The following ELAVL4 variants were observed in gnomAD, a reference collection of about 807,000 sequenced individuals.
ELAVL4 encodes ELAV like RNA binding protein 4, also known as ELAV-like protein 4.
In ELAVL4, 1 loss-of-function variant was observed where a neutral mutation model predicts 35.6. The ratio of observed to expected loss-of-function variants is 0.03; its 90% confidence interval spans 0.01 to 0.13. ELAVL4 has a LOEUF of 0.13. Ranked by LOEUF, ELAVL4 falls within the 10% of genes least tolerant of loss-of-function variation. The pLI is 1.00. For synonymous variants in ELAVL4, 156 were observed against 171.0 expected (o/e 0.91, Z 0.69); for missense variants, 267 against 464.9 (o/e 0.57, Z 3.91).
chr1:50,118,284 T>C lies in ELAVL4; in HGVS notation c.9+9086T>C, dbSNP rs549363276. On this transcript the variant is annotated intron_variant, in intron 1 of 6. Transcript: ENST00000371824. The stretch of plus-strand genomic sequence containing the variant: ...CCCAATAGGCTGAACTTTGAAGTTC[T>C]GTTTCTCACGGAATGGTGAAGAGGT... 2.6e-5 allele frequency among the ~76,000 whole-genome samples: 4 copies of C among 152,234 alleles called. No individual in the cohort carries two copies. In the East Asian group the frequency reaches 7.7e-4, roughly 29 times the overall value.
chr1:50,173,034 C>G (rs1245711964), intron 2 of ELAVL4, among the ~76,000 whole-genome samples: 1 of 152,114 alleles, frequency 6.6e-6, no homozygotes, highest in African/African-American at 2.4e-5. Flanking sequence ...CCCCCTCTTC[C>G]CCCAAACTTA....
At chr1:50,151,599 T>C (rs935559925) in intron 2 of ELAVL4, among the ~76,000 whole-genome samples, 7 of 152,192 alleles carry the variant, frequency 4.6e-5, no homozygotes, top group African/African-American at 1.7e-4. Flanking sequence ...CTTTTCTACA[T>C]GCACATAAGA....
rs905503097 is a variant in ELAVL4, at chr1:50,202,933, A to C, written c.*1755A>C. On this transcript the variant is annotated 3_prime_UTR_variant, in exon 7 of 7. Transcript: ENST00000371824. ...TAACTCAGATTGGGGAAAACAAAAC[A>C]GAGCTAAGGGAACAAAATGACTGAG... The C allele has an allele frequency of 1.3e-5, 2 of 152,220 alleles. No homozygotes were observed. Among genetic ancestry groups the C allele is most frequent in the African/African-American group, 4.8e-5 (2 of 41,470 alleles). 9.4% of individuals were successfully genotyped at this position (152,220 alleles called of 1,614,324 possible). A position where few individuals can be genotyped will look rare whatever the true frequency, so the allele number is the denominator to read the frequency against.
chr1:50,110,003 C>CTGTGTGTG, intron 1 of ELAVL4: 2 of 1,552,516 alleles, frequency 1.3e-6, no homozygotes, highest in African/African-American at 1.4e-5. Context: ...GGTCCCAGCC[C>CTGTGTGTG]TGTGTGTGTG....
chr1:50,195,944 G>A (rs909170041), intron 5 of ELAVL4, among the ~76,000 whole-genome samples, 158 bp downstream of exon 5: 1 of 152,180 alleles, frequency 6.6e-6, no homozygotes, highest in African/African-American at 2.4e-5. Context: ...TTCCATTCCT[G>A]TAAAATGAGA....
intron 1 of ELAVL4, among the ~76,000 whole-genome samples, chr1:50,082,308 C>T (rs1276072155): frequency 6.6e-6 from 1 of 152,166 alleles, no homozygotes; most frequent in East Asian, 1.9e-4. Context: ...AGTGTAAAAG[C>T]ATTCCTATTT....
At chr1:50,175,550 AG>A (rs1278625843) in intron 2 of ELAVL4, 5 of 152,244 alleles carry the variant, frequency 3.3e-5, no homozygotes, top group South Asian at 4.2e-4. Context: ...TGTCTGGTAA[AG>A]TTTGCCCCTG....
chr1:50,096,794 TGTC>T (rs1261766152), intron 1 of ELAVL4, among the ~76,000 whole-genome samples: 1 of 152,208 alleles, frequency 6.6e-6, no homozygotes, highest in Non-Finnish European at 1.5e-5. Context: ...GCATTATTGT[TGTC>T]CCCAGTTTAA....
chr1:50,199,160 A>G (rs1644249270), intron 6 of ELAVL4, among the ~76,000 whole-genome samples: 1 of 152,244 alleles, frequency 6.6e-6, no homozygotes, highest in African/African-American at 2.4e-5. Flanking sequence ...CTTAGTGAAT[A>G]ATAGCAAAAA....
At chr1:50,113,046 C>T (rs1447981196) in intron 1 of ELAVL4, among the ~76,000 whole-genome samples, 1 of 152,014 alleles carries the variant, frequency 6.6e-6, no homozygotes, top group Non-Finnish European at 1.5e-5. Flanking sequence ...ATATTTTAAA[C>T]TTAGGATTTC....
chr1:50,109,387 A>G (rs1300769732), intron 1 of ELAVL4, among the ~76,000 whole-genome samples, 189 bp downstream of exon 1: 1 of 151,968 alleles, frequency 6.6e-6, no homozygotes, highest in African/African-American at 2.4e-5. Flanking sequence ...GGGATATAAG[A>G]TTGTCATTTT....
rs78049989 is a variant in ELAVL4, at chr1:50,154,044, C to T, written c.250+8847C>T. Among the ~76,000 whole-genome samples the T allele has an allele frequency of 4.6e-3, 706 of 152,210 alleles. 6 individuals are homozygous for T. Among genetic ancestry groups the T allele is most frequent in the African/African-American group, 0.015 (622 of 41,520 alleles). On this transcript the variant is annotated intron_variant, in intron 2 of 6. Coordinates refer to ENST00000371824, the MANE Select transcript of ELAVL4 (RefSeq NM_001144774.3). Reference sequence around the variant, plus strand: ...GTCTGTGGTATCTTCTTATAGTAGCCCAAGCTGCCTAATACAGACATCTTC... The same window carrying T: ...GTCTGTGGTATCTTCTTATAGTAGCTCAAGCTGCCTAATACAGACATCTTC...
In ELAVL4 at chr1:50,201,058, C is replaced by A. The variant is rs774340656; in HGVS notation, c.981C>A (p.Gly327=). The part of the protein sequence containing the change: ...DFNTNKCKGF[G]FVTMTNYDEA... ...ACACCAACAAGTGCAAGGGATTCGG[C>A]TTTGTCACCATGACCAACTATGATG... Residue 327 remains glycine (G), a synonymous_variant, in exon 7 of 7, where the codon GGC becomes GGA. Coordinates refer to ENST00000371824, the MANE Select transcript of ELAVL4 (RefSeq NM_001144774.3). The surrounding 1 kb of genome is among the most constrained non-coding windows in gnomAD (Gnocchi z 4.3). The A allele has an allele frequency of 3.5e-5, 56 of 1,613,990 alleles. No individual in the cohort carries two copies. The highest frequency in any genetic ancestry group is 4.2e-5 in the Non-Finnish European group (50 of 1,179,994).
chr1:50,145,675 G>A (rs964484179), intron 2 of ELAVL4, among the ~76,000 whole-genome samples: 1 of 152,192 alleles, frequency 6.6e-6, no homozygotes, highest in South Asian at 2.1e-4. Flanking sequence ...GGAGAAACAG[G>A]CCCTAAGGAT....
At chr1:50,099,577 A>G (rs190398325), upstream of ELAVL4, among the ~76,000 whole-genome samples, 1,547 of 151,526 alleles carry the variant, frequency 0.01, 10 homozygotes, top group African/African-American at 0.023. Flanking sequence ...AAAAAAAAAA[A>G]AAAGAAAGAA....
chr1:50,125,607 C>T (rs370871200), intron 1 of ELAVL4, among the ~76,000 whole-genome samples: 5 of 152,142 alleles, frequency 3.3e-5, no homozygotes, highest in Middle Eastern at 3.4e-3. Context: ...GGCCAGGGGT[C>T]CCAGCCTTTG....
At chr1:50,192,448 G>A (rs569072991) in intron 3 of ELAVL4, among the ~76,000 whole-genome samples, 1 of 151,412 alleles carries the variant, frequency 6.6e-6, no homozygotes, top group South Asian at 2.1e-4. Context: ...ACTGCTGGAG[G>A]TTTAGGTCTT....
intron 2 of ELAVL4, among the ~76,000 whole-genome samples, chr1:50,159,473 G>C (rs1676375190): frequency 6.6e-6 from 1 of 152,138 alleles, no homozygotes; most frequent in Non-Finnish European, 1.5e-5. Flanking sequence ...GCTGGGCTTT[G>C]TGGTGGGTGC....
intron 1 of ELAVL4, among the ~76,000 whole-genome samples, chr1:50,123,515 T>C (rs1353230425): frequency 1.3e-5 from 2 of 152,048 alleles, no homozygotes; most frequent in Non-Finnish European, 2.9e-5. Context: ...ACTCTCCCAG[T>C]GCTGTTTTGT....
Sources: allele counts gnomAD v4.1 joint callset (sites outside exome capture counted in the v4.1 genomes callset), GRCh38; gene constraint gnomAD v4.1.1; non-coding constraint Gnocchi (gnomAD v3.1); transcripts MANE v1.5; gene names NCBI Gene and HGNC (gene_info 2026-07-23, HGNC 2026-07-21).